XIST: variants seen among roughly 807,000 people sequenced by gnomAD.
XIST encodes the protein X inactive specific transcript, also known as X inactive specific transcript (non-protein coding).
At chrX:73,821,522 G>A (rs1653269663) in exon 6 of XIST, 1 of 557,920 alleles carries the variant, frequency 1.8e-6, no homozygotes, top group Middle Eastern at 3.1e-4. Flanking sequence ...GCAAACTAGT[G>A]AGGACAAAGG....
chrX:73,820,746 G>C, exon 6 of XIST: 2 of 557,219 alleles, frequency 3.6e-6, no homozygotes, highest in South Asian at 4.5e-5. Flanking sequence ...ATTACTTTCT[G>C]GTGGTCACCC....
chrX:73,823,654 C>T (rs1445984591), exon 6 of XIST: 1 of 558,768 alleles, frequency 1.8e-6, no homozygotes, highest in Non-Finnish European at 3.2e-6. Flanking sequence ...GGATGGAAGA[C>T]CACAACACCT....
At chrX:73,850,708 G>C (rs1922905006) in exon 1 of XIST, 1 of 261,787 alleles carries the variant, frequency 3.8e-6, no homozygotes. Flanking sequence ...AGGGGGGTAG[G>C]GGGGTGGGGA....
At chrX:73,830,653 T>A (rs1433619258) in intron 4 of XIST, among the ~76,000 whole-genome samples, 8 of 112,168 alleles carry the variant, frequency 7.1e-5, no homozygotes, top group Non-Finnish European at 7.5e-5. Flanking sequence ...CACCATGGCA[T>A]CCCAAGCCAT....
chrX:73,841,811 A>G, exon 1 of XIST: 1 of 503,672 alleles, frequency 2.0e-6, no homozygotes, highest in Non-Finnish European at 3.5e-6. Context: ...AAGGTGGCAT[A>G]TGCTTTTTAA....
intron 3 of XIST, chrX:73,831,315 C>T (rs1182084582): frequency 2.1e-6 from 1 of 477,393 alleles, no homozygotes; most frequent in Non-Finnish European, 3.7e-6. Context: ...ATGCAGTACA[C>T]TGGGAAAGTC....
At chrX:73,847,224 G>C (rs1437048007) in exon 1 of XIST, 1 of 558,341 alleles carries the variant, frequency 1.8e-6, no homozygotes, top group Admixed American at 2.2e-5. Flanking sequence ...CTAGTTAGAA[G>C]CTCCTGCAGT....
rs767824331 is a variant in XIST at position 73,850,228 on chromosome X, C to A, written n.2496G>T. The A allele has an allele frequency of 6.6e-5, 36 of 547,123 alleles. 1 individual carries two copies. Among genetic ancestry groups the A allele is most frequent in the Admixed American group, 2.3e-5 (1 of 43,308 alleles). The allele number at this position is 547,123 out of a possible 1,213,427, so 45.1% of individuals were successfully genotyped here. A position where few individuals can be genotyped will look rare whatever the true frequency, so the allele number is the denominator to read the frequency against. On this transcript the variant is annotated non_coding_transcript_exon_variant, in exon 1 of 6. Coordinates refer to ENST00000429829, the Ensembl canonical transcript of XIST. ...TTAAGTCAATTTCAAAGAAAATGACCAGCACATTTTTAAAACATTAGAAAT... is the reference window on the plus strand; with the variant it reads ...TTAAGTCAATTTCAAAGAAAATGACAAGCACATTTTTAAAACATTAGAAAT...
chrX:73,831,942 T>C (rs780532769), intron 3 of XIST, among the ~76,000 whole-genome samples: 1 of 112,290 alleles, frequency 8.9e-6, no homozygotes, highest in East Asian at 2.8e-4. Flanking sequence ...TCAATCCACA[T>C]GGTAACATTT....
exon 6 of XIST, chrX:73,824,325 T>C: frequency 1.9e-6 from 1 of 520,756 alleles, no homozygotes; most frequent in South Asian, 2.4e-5. Context: ...ATTTGCACAA[T>C]ATAATAACTA....
At chrX:73,844,590 G>T in exon 1 of XIST, 1 of 559,204 alleles carries the variant, frequency 1.8e-6, no homozygotes, top group Non-Finnish European at 3.2e-6. Context: ...CCAAATGTAA[G>T]GGTCTTATGG....
exon 1 of XIST, chrX:73,845,327 C>G (rs765557123): frequency 1.1e-5 from 6 of 549,965 alleles, no homozygotes; most frequent in Non-Finnish European, 2.0e-5. Context: ...GTGATCAGCA[C>G]CCCTGCTGTA....
At chrX:73,851,977 T>C (rs1209560649) in exon 1 of XIST, 1 of 554,445 alleles carries the variant, frequency 1.8e-6, no homozygotes, top group Non-Finnish European at 3.2e-6. Flanking sequence ...AAAACCAACA[T>C]TTTTTCATCC....
At chrX:73,849,494 C>CA (rs1173417088) in exon 1 of XIST, 1 of 556,943 alleles carries the variant, frequency 1.8e-6, no homozygotes, top group African/African-American at 2.2e-5. Context: ...GAAGCAATGA[C>CA]AGAGAAATGG....
chrX:73,841,431 G>A (rs779391839), exon 1 of XIST: 25 of 552,888 alleles, frequency 4.5e-5, no homozygotes, highest in Non-Finnish European at 7.8e-5. Context: ...CGAGGAGCTA[G>A]TAGGGCAAAC....
exon 6 of XIST, chrX:73,825,166 T>C (rs1922221382): frequency 1.9e-6 from 1 of 536,378 alleles, no homozygotes; most frequent in African/African-American, 2.3e-5. Flanking sequence ...TAGTCCCTTA[T>C]GTTTTCAGTA....
chrX:73,842,012 T>C, exon 1 of XIST: 1 of 546,643 alleles, frequency 1.8e-6, no homozygotes, highest in Non-Finnish European at 3.3e-6. Context: ...TCTTTGATAT[T>C]AAAATAGCAA....
At chrX:73,821,325 CT>C in exon 6 of XIST, 1 of 554,459 alleles carries the variant, frequency 1.8e-6, no homozygotes, top group East Asian at 3.3e-5. Context: ...AGTTCAGATG[CT>C]TTGAATGTAT....
exon 1 of XIST, chrX:73,846,678 G>C: frequency 1.8e-6 from 1 of 559,239 alleles, no homozygotes; most frequent in Non-Finnish European, 3.2e-6. Context: ...AAGTGGGGAT[G>C]AGGGGAGCAC....
Sources: allele counts gnomAD v4.1 joint callset (sites outside exome capture counted in the v4.1 genomes callset), GRCh38; gene constraint gnomAD v4.1.1; transcripts MANE v1.5; gene names NCBI Gene and HGNC (gene_info 2026-07-23, HGNC 2026-07-21).